The following ATRX variants were observed in gnomAD, a reference collection of about 807,000 sequenced individuals.
ATRX encodes the protein chromatin remodeler ATRX.
ATRX carries 12 observed loss-of-function variants against 172.6 expected under a neutral mutation model. The observed-to-expected ratio is 0.07, with a 90% CI of 0.04 to 0.11. ATRX has a LOEUF of 0.11. ATRX is among the 10% of genes least tolerant of loss of function. ATRX has a pLI of 1.00. For synonymous variants in ATRX, 674 were observed against 594.7 expected (o/e 1.13, Z -1.94); for missense variants, 1,368 against 1,767.4 (o/e 0.77, Z 4.05).
chrX:77,769,913 T>C (rs1557198165), intron 1 of ATRX, among the ~76,000 whole-genome samples: 2 of 108,439 alleles, frequency 1.8e-5, no homozygotes, highest in Non-Finnish European at 3.8e-5. Flanking sequence ...CTGAGCAACA[T>C]GGTGAAACTC....
chrX:77,610,963 T>A (rs782151156), intron 22 of ATRX, among the ~76,000 whole-genome samples: 2 of 108,321 alleles, frequency 1.8e-5, no homozygotes, highest in Non-Finnish European at 1.9e-5. Context: ...TAAATATATA[T>A]ATATAGTATA....
intron 26 of ATRX, among the ~76,000 whole-genome samples, chrX:77,591,953 A>G (rs1197109308): frequency 3.6e-5 from 4 of 111,920 alleles, no homozygotes; most frequent in African/African-American, 1.3e-4. Context: ...CTTACAGTAG[A>G]AAAGGAAAAA....
intron 1 of ATRX, among the ~76,000 whole-genome samples, chrX:77,742,836 G>C (rs1451976729): frequency 1.8e-5 from 2 of 111,748 alleles, no homozygotes; most frequent in African/African-American, 3.3e-5. Context: ...GGGAATGACT[G>C]GAAGACTGTG....
In ATRX at chrX:77,570,840, G is replaced by T. The variant is rs1423595972; in HGVS notation, c.6326+3410C>A. Among the ~76,000 whole-genome samples the T allele has an allele frequency of 2.0e-4, 22 of 111,538 alleles. No individual in the cohort carries two copies. The Admixed American group carries it at 2.1e-3, about 11-fold the overall frequency. ...AGGACACATATCTAGATTATATAAA[G>T]AACTCTCAAAACCCTACAATAAAAA... On this transcript the variant is annotated intron_variant, in intron 28 of 34. Coordinates refer to ENST00000373344, the MANE Select transcript of ATRX (RefSeq NM_000489.6).
At chrX:77,571,115 A>C in intron 28 of ATRX, among the ~76,000 whole-genome samples, 1 of 112,035 alleles carries the variant, frequency 8.9e-6, no homozygotes, top group Admixed American at 9.5e-5. Flanking sequence ...GCTTGGTAGG[A>C]CTATAAAATG....
At chrX:77,592,538 C>T (rs1375033465) in intron 26 of ATRX, among the ~76,000 whole-genome samples, 2 of 110,908 alleles carry the variant, frequency 1.8e-5, no homozygotes, top group Non-Finnish European at 3.8e-5. Context: ...GGAGGCCGGG[C>T]GTGGTGTCTC....
Position 77,522,115 on chromosome X carries a change from C to T in ATRX, c.6975+148G>A, listed in dbSNP as rs782537251. 31 of 754,122 alleles carry T rather than the reference C, an allele frequency of 4.1e-5. No individual in the cohort carries two copies. The Middle Eastern group carries it at 1.8e-3, about 45-fold the overall frequency. 62.1% of individuals were successfully genotyped at this position (754,122 alleles called of 1,213,427 possible). ...TTTACAACATCATGTTGGTTCAAAA[C>T]GGTCAACAAATAAAACAAAAATTTA... is the stretch of plus-strand genomic sequence containing the variant. On this transcript the variant is annotated intron_variant, in intron 32 of 34. Coordinates refer to ENST00000373344, the MANE Select transcript of ATRX (RefSeq NM_000489.6).
intron 6 of ATRX, 52 bp downstream of exon 6, chrX:77,693,772 T>A (rs1471033327): frequency 2.0e-6 from 2 of 1,012,498 alleles, no homozygotes; most frequent in Admixed American, 4.4e-5. Context: ...GATTTTCCAA[T>A]ATGGTCATAA....
chrX:77,685,906 G>A (rs782606535), intron 7 of ATRX, among the ~76,000 whole-genome samples: 1 of 112,165 alleles, frequency 8.9e-6, no homozygotes, highest in South Asian at 3.7e-4. Flanking sequence ...GGAAGGAACT[G>A]GAGATCATTA....
intron 1 of ATRX, among the ~76,000 whole-genome samples, chrX:77,740,967 TA>T (rs1324207854): frequency 9.1e-6 from 1 of 109,379 alleles, no homozygotes; most frequent in African/African-American, 3.3e-5. Flanking sequence ...CAAATAAAAA[TA>T]AAAGTGAGAG....
At chrX:77,716,323 A>AAAAAAATAT (rs1557165064) in intron 2 of ATRX, among the ~76,000 whole-genome samples, 1 of 21,027 alleles carries the variant, frequency 4.8e-5, no homozygotes, top group Non-Finnish European at 8.8e-5. Context: ...AAAAAAAAAA[A>AAAAAAATAT]ATATATATAT....
chrX:77,654,220 C>A lies in ATRX; in HGVS notation c.4215-20G>T. ...GCAGACCTGACGAAAATTTAAAACA[C>A]AAAATAAAATATTTCATGATAAACT... On this transcript the variant is annotated intron_variant, in intron 13 of 34. Transcript: ENST00000373344. 8.8e-7 allele frequency: 1 copy of A among 1,132,481 alleles called. No homozygotes were observed. The highest frequency in any genetic ancestry group is 1.2e-6 in the Non-Finnish European group (1 of 825,340). 93.3% of individuals were successfully genotyped at this position (1,132,481 alleles called of 1,213,427 possible).
chrX:77,615,176 T>G (rs2067306328), intron 22 of ATRX, among the ~76,000 whole-genome samples: 1 of 110,782 alleles, frequency 9.0e-6, no homozygotes, highest in African/African-American at 3.3e-5. Context: ...TTTTTTGATT[T>G]TTCGTGGAGA....
rs782076007 is a variant in ATRX, at chrX:77,694,257, T to G, written c.371-320A>C. On this transcript the variant is annotated intron_variant, in intron 5 of 34. Transcript: ENST00000373344. ...TTATAGTGCCTATCACAAAAGCTGT[T>G]ATGAATATGAACATCTATGCTAAGT... Among the ~76,000 whole-genome samples, 8 of 112,256 alleles carry G rather than the reference T, an allele frequency of 7.1e-5. No homozygotes were observed. In the South Asian group the frequency reaches 2.9e-3, roughly 41 times the overall value.
intron 15 of ATRX, among the ~76,000 whole-genome samples, chrX:77,638,356 C>A (rs1330346407): frequency 1.8e-5 from 2 of 112,697 alleles, no homozygotes; most frequent in Non-Finnish European, 3.7e-5. Flanking sequence ...GCCTATAGTC[C>A]CAGCTACTCA....
intron 22 of ATRX, among the ~76,000 whole-genome samples, chrX:77,611,179 G>A (rs782117087): frequency 5.4e-5 from 6 of 111,132 alleles, no homozygotes; most frequent in Non-Finnish European, 1.1e-4. Context: ...AACACACATT[G>A]CTATTTCTGT....
At chrX:77,718,716 T>C (rs782080419) in intron 1 of ATRX, among the ~76,000 whole-genome samples, 3 of 110,984 alleles carry the variant, frequency 2.7e-5, no homozygotes, top group African/African-American at 9.8e-5. Flanking sequence ...GTATCTGTAA[T>C]TCAACAGGGT....
At chrX:77,721,584 C>T (rs978217822) in intron 1 of ATRX, among the ~76,000 whole-genome samples, 2 of 111,016 alleles carry the variant, frequency 1.8e-5, no homozygotes, top group Non-Finnish European at 3.8e-5. Flanking sequence ...GCTACAAAGA[C>T]AATAAAATAC....
At chrX:77,539,077 T>C (rs985438696) in intron 30 of ATRX, among the ~76,000 whole-genome samples, 1 of 109,650 alleles carries the variant, frequency 9.1e-6, no homozygotes, top group African/African-American at 3.3e-5. Flanking sequence ...CTACTTTTAG[T>C]AGAGACAGGG....
Sources: gnomAD v4.1 joint callset for allele counts (sites outside exome capture counted in the v4.1 genomes callset) on GRCh38, gnomAD v4.1.1 for gene constraint, MANE v1.5 for transcripts, NCBI Gene and HGNC (gene_info 2026-07-23, HGNC 2026-07-21) for gene names.